Variants in FOXK2 observed in about 807,000 individuals in gnomAD.
The protein encoded by FOXK2 is forkhead box protein K2.
A neutral mutation model predicts 53.3 loss-of-function variants in FOXK2; 24 were observed. The ratio of observed to expected loss-of-function variants is 0.45; its 90% CI spans 0.33 to 0.63. The LOEUF (loss-of-function observed/expected upper bound fraction) is 0.63. Ranked by LOEUF, FOXK2 falls within the 30% of genes least tolerant of loss-of-function variation. The probability of loss-of-function intolerance (pLI) is 0.03; values close to 1 mark genes in which losing one functional copy is unlikely to be tolerated. For missense variants in FOXK2, 952 were observed against 910.5 expected (o/e 1.05, Z -0.59); for synonymous variants, 505 against 407.1 (o/e 1.24, Z -2.89).
chr17:82,591,680 C>T (rs1192148595), intron 8 of FOXK2, among the ~76,000 whole-genome samples: 5 of 152,194 alleles, frequency 3.3e-5, no homozygotes, highest in Non-Finnish European at 4.4e-5. Flanking sequence ...AGAGTCCAGG[C>T]GCCCAAGCTC....
chr17:82,595,942 G>A (rs948054069), intron 8 of FOXK2: 1 of 1,252,948 alleles, frequency 8.0e-7, no homozygotes, highest in African/African-American at 1.5e-5. Context: ...ACAGGTGGAA[G>A]GTTGTCCAGA....
intron 8 of FOXK2, chr17:82,601,049 G>A (rs2045376878): frequency 2.2e-6 from 1 of 462,922 alleles, no homozygotes; most frequent in Admixed American, 3.5e-5. Flanking sequence ...CGCTAATCAG[G>A]CAGTTCACTT....
chr17:82,539,298 CGT>C (rs2044551728), intron 1 of FOXK2, among the ~76,000 whole-genome samples: 2 of 125,834 alleles, frequency 1.6e-5, no homozygotes, highest in East Asian at 2.4e-4. Context: ...GGCTCAGGCC[CGT>C]AATCTCAGCA....
chr17:82,582,643 A>T, intron 4 of FOXK2, 98 bp from the exon 5 acceptor site: 1 of 974,336 alleles, frequency 1.0e-6, no homozygotes, highest in Non-Finnish European at 1.5e-6. Context: ...CAGGCCCAAC[A>T]TGTAGGTTTC....
Position 82,601,569 on chromosome 17 carries a change from C to T in FOXK2, c.*70C>T, listed in dbSNP as rs1358588667. 6 of 1,466,544 alleles carry T rather than the reference C, an allele frequency of 4.1e-6. No individual in the cohort carries two copies. The Middle Eastern group carries it at 5.6e-4, about 136-fold the overall frequency. The allele number at this position is 1,466,544 out of a possible 1,614,324, so 90.8% of individuals were successfully genotyped here. ...AAAAGGAGACGCGGCCTCCCGCCAG[C>T]ACTCGGGGGTGCAGGGCCCTGTGGT... On this transcript the variant is annotated 3_prime_UTR_variant, in exon 9 of 9. Coordinates refer to ENST00000335255, the MANE Select transcript of FOXK2 (RefSeq NM_004514.4).
chr17:82,590,903 C>T (rs185944902), intron 8 of FOXK2, among the ~76,000 whole-genome samples: 9 of 152,276 alleles, frequency 5.9e-5, no homozygotes, highest in Admixed American at 4.6e-4. Context: ...GGGCTCAGCA[C>T]CACGAGCAGA....
chr17:82,588,462 AGG>A (rs2045219159), intron 8 of FOXK2: 1 of 164,258 alleles, frequency 6.1e-6, no homozygotes, highest in East Asian at 1.9e-4. Flanking sequence ...TGGCGGTTGG[AGG>A]GCTGGCGGTT....
rs1282305641 is a variant in FOXK2, at chr17:82,546,113, G to GTTTTT, written c.420-17241_420-17240insTTTTT. The stretch of plus-strand genomic sequence containing the variant: ...TGCTTACTTGCTACCAAGCATGGTT[G>GTTTTT]GTTTTTTTTTTTTTTTTTTTTGAGA... On this transcript the variant is annotated intron_variant, in intron 1 of 8. Coordinates refer to ENST00000335255, the MANE Select transcript of FOXK2 (RefSeq NM_004514.4). Among the ~76,000 whole-genome samples the GTTTTT allele has an allele frequency of 2.3e-4, 23 of 97,964 alleles. No homozygotes were observed. The East Asian group carries it at 2.8e-3, about 12-fold the overall frequency. 64.3% of individuals were successfully genotyped at this position (97,964 alleles called of 152,430 possible).
At chr17:82,589,053 G>A (rs72863724) in intron 8 of FOXK2, among the ~76,000 whole-genome samples, 15,312 of 151,928 alleles carry the variant, frequency 0.1, 1,000 homozygotes, top group South Asian at 0.21. Flanking sequence ...GCGAGACTCT[G>A]TCTCAACAAA....
chr17:82,577,553 G>A (rs550583554), intron 4 of FOXK2, among the ~76,000 whole-genome samples: 6 of 152,150 alleles, frequency 3.9e-5, no homozygotes, highest in Non-Finnish European at 7.4e-5. Context: ...TTAGGGCCCC[G>A]CCGGGCCCTC....
intron 1 of FOXK2, among the ~76,000 whole-genome samples, chr17:82,562,711 T>C (rs1379913579): frequency 6.6e-6 from 1 of 152,144 alleles, no homozygotes; most frequent in Non-Finnish European, 1.5e-5. Context: ...ATTTGAGTTT[T>C]GTTTTAAGTC....
chr17:82,534,721 C>G (rs2044504335), intron 1 of FOXK2, among the ~76,000 whole-genome samples: 1 of 152,240 alleles, frequency 6.6e-6, no homozygotes, highest in Admixed American at 6.5e-5. Context: ...CACTCCTGTT[C>G]CTGTCTCCTC....
intron 1 of FOXK2, among the ~76,000 whole-genome samples, chr17:82,557,399 A>T (rs1450628646): frequency 6.6e-6 from 1 of 150,382 alleles, no homozygotes; most frequent in Non-Finnish European, 1.5e-5. Flanking sequence ...GCTGGAGTGC[A>T]GTGGCACAAT....
In FOXK2 at chr17:82,603,038, T is replaced by C. The variant is rs2045404097; in HGVS notation, c.*1539T>C. ...TTATTATTTACATAAAGACCAAATA[T>C]GATGAATCTGTTCCGTGAATTGTGT... On this transcript the variant is annotated 3_prime_UTR_variant, in exon 9 of 9. Coordinates refer to ENST00000335255, the MANE Select transcript of FOXK2 (RefSeq NM_004514.4). 6.6e-6 allele frequency: 1 copy of C among 152,640 alleles called. No homozygotes were observed. The highest frequency in any genetic ancestry group is 1.5e-5 in the Non-Finnish European group (1 of 68,040). 9.5% of individuals were successfully genotyped at this position (152,640 alleles called of 1,614,324 possible). A position where few individuals can be genotyped will look rare whatever the true frequency, so the allele number is the denominator to read the frequency against.
rs59720257 is a variant in FOXK2 at position 82,543,774 on chromosome 17, CTTTTTTTTTTTT to C, written c.420-19571_420-19560del. On this transcript the variant is annotated intron_variant, in intron 1 of 8. Coordinates refer to ENST00000335255, the MANE Select transcript of FOXK2 (RefSeq NM_004514.4). Reference sequence around the variant, plus strand: ...TGGGACTACACGCCAGCATGCTTAGCTTTTTTTTTTTTTTTTTTTTGAGACGGAGTCTTCTTC... The same window carrying C: ...TGGGACTACACGCCAGCATGCTTAGCTTTTTTTTGAGACGGAGTCTTCTTC... Among the ~76,000 whole-genome samples, 8 of 112,324 alleles carry C rather than the reference CTTTTTTTTTTTT, an allele frequency of 7.1e-5. 1 individual carries two copies. Among genetic ancestry groups the C allele is most frequent in the African/African-American group, 2.8e-4 (8 of 28,492 alleles). 73.7% of individuals were successfully genotyped at this position (112,324 alleles called of 152,430 possible).
chr17:82,583,061 G>A, intron 5 of FOXK2, 127 bp downstream of exon 5: 1 of 707,874 alleles, frequency 1.4e-6, no homozygotes, highest in Non-Finnish European at 2.2e-6. Context: ...TTGGGATGGG[G>A]ATTTGAGCAA....
intron 1 of FOXK2, among the ~76,000 whole-genome samples, chr17:82,538,981 C>A (rs1020095480): frequency 6.6e-6 from 1 of 152,182 alleles, no homozygotes; most frequent in Non-Finnish European, 1.5e-5. Context: ...AAGAAAAACA[C>A]GTTTGGAATG....
intron 4 of FOXK2, chr17:82,576,806 G>T: frequency 3.5e-6 from 2 of 578,626 alleles, no homozygotes. Flanking sequence ...GGTGAAAGCT[G>T]CCATGTTGAA....
At chr17:82,583,512 C>T (rs779326558) in intron 5 of FOXK2, among the ~76,000 whole-genome samples, 4 of 152,248 alleles carry the variant, frequency 2.6e-5, no homozygotes, top group Non-Finnish European at 5.9e-5. Context: ...TGCGCCACTT[C>T]GTTCTAGCCT....
Sources: gnomAD v4.1 joint callset for allele counts (sites outside exome capture counted in the v4.1 genomes callset) on GRCh38, gnomAD v4.1.1 for gene constraint, MANE v1.5 for transcripts, NCBI Gene and HGNC (gene_info 2026-07-23, HGNC 2026-07-21) for gene names.